Variants in TOPBP1 observed in about 807,000 individuals in gnomAD.
The protein encoded by TOPBP1 is DNA topoisomerase 2-binding protein 1.
Under a neutral mutation model 167.7 loss-of-function variants are expected in TOPBP1, and 28 were observed. That is an observed-to-expected ratio of 0.17 (90% CI 0.12 to 0.23). The LOEUF is 0.23. Among genes scored for constraint, TOPBP1 ranks in the 10% least tolerant of loss-of-function variants. The pLI, the probability that TOPBP1 is intolerant of heterozygous loss-of-function variation, is 1.00. For missense variants in TOPBP1, 1,554 were observed against 1,809.6 expected (o/e 0.86, Z 2.56); for synonymous variants, 598 against 611.4 (o/e 0.98, Z 0.32).
intron 23 of TOPBP1, among the ~76,000 whole-genome samples, chr3:133,614,449 G>A (rs1206843063): frequency 6.6e-6 from 1 of 151,930 alleles, no homozygotes; most frequent in Non-Finnish European, 1.5e-5. Flanking sequence ...TATATCAGTT[G>A]GCCACAGTTG....
intron 27 of TOPBP1, among the ~76,000 whole-genome samples, chr3:133,605,186 C>A (rs1246008949): frequency 6.7e-6 from 1 of 148,998 alleles, no homozygotes; most frequent in Admixed American, 6.7e-5. Context: ...GCAACAGAGC[C>A]AGACCGTGTC....
chr3:133,614,075 G>GCC (rs1934778281), intron 23 of TOPBP1, among the ~76,000 whole-genome samples: 1 of 152,110 alleles, frequency 6.6e-6, no homozygotes, highest in South Asian at 2.1e-4. Flanking sequence ...ACAGGTGTGA[G>GCC]CCACCACACC....
intron 23 of TOPBP1, among the ~76,000 whole-genome samples, chr3:133,616,118 T>G (rs774646093): frequency 1.4e-4 from 20 of 147,796 alleles, no homozygotes; most frequent in Non-Finnish European, 3.0e-4. Flanking sequence ...ATTCTTTCTT[T>G]TCCCTTTTTT....
At chr3:133,655,590 T>A in intron 5 of TOPBP1, 104 bp from the exon 6 acceptor site, 1 of 632,904 alleles carries the variant, frequency 1.6e-6, no homozygotes, top group Non-Finnish European at 2.4e-6. Flanking sequence ...TTAGGATTTA[T>A]AATCTTTTTT....
intron 14 of TOPBP1, among the ~76,000 whole-genome samples, chr3:133,636,148 C>T (rs1322361024): frequency 6.6e-6 from 1 of 152,176 alleles, no homozygotes; most frequent in Admixed American, 6.6e-5. Flanking sequence ...GTTTACAGTA[C>T]TGACCATGGT....
At chr3:133,638,575 C>G (rs1197741976) in intron 13 of TOPBP1, among the ~76,000 whole-genome samples, 1 of 152,134 alleles carries the variant, frequency 6.6e-6, no homozygotes. Context: ...GAGTTAACTA[C>G]AGTCTAGTTT....
rs572616720 is a variant in TOPBP1 at position 133,628,542 on chromosome 3, T to A, written c.2694+18A>T. The A allele has an allele frequency of 6.2e-7, 1 of 1,608,484 alleles. No homozygotes were observed. Among genetic ancestry groups the A allele is most frequent in the South Asian group, 1.1e-5 (1 of 89,976 alleles). ...AATGTTATCTAAAACTTCCTTTTAATAAGAGAACTAATCCTACCTTCTCTG... is the reference window on the plus strand; with the variant it reads ...AATGTTATCTAAAACTTCCTTTTAAAAAGAGAACTAATCCTACCTTCTCTG... On this transcript the variant is annotated intron_variant, in intron 15 of 27. Coordinates refer to ENST00000260810, the MANE Select transcript of TOPBP1 (RefSeq NM_007027.4).
chr3:133,660,182 G>A (rs562491057), intron 2 of TOPBP1, among the ~76,000 whole-genome samples: 44 of 152,108 alleles, frequency 2.9e-4, no homozygotes, highest in African/African-American at 1.0e-3. Context: ...CCTCCTTCAC[G>A]TTTACTCAAT....
chr3:133,657,728 T>C (rs1936527767), intron 4 of TOPBP1, 70 bp downstream of exon 4: 4 of 1,294,172 alleles, frequency 3.1e-6, no homozygotes, highest in Admixed American at 6.9e-5. Flanking sequence ...AGCTATCTTC[T>C]ATGCAGTGAA....
chr3:133,616,036 G>A (rs980336742), intron 23 of TOPBP1, among the ~76,000 whole-genome samples: 6 of 152,018 alleles, frequency 3.9e-5, no homozygotes, highest in African/African-American at 1.4e-4. Context: ...CTAGAATGAT[G>A]TCAGGTGGAG....
chr3:133,608,089 C>T (rs1312322671), intron 27 of TOPBP1, among the ~76,000 whole-genome samples: 2 of 152,160 alleles, frequency 1.3e-5, no homozygotes, highest in Non-Finnish European at 2.9e-5. Context: ...TTACACAACA[C>T]AGGCCAATTC....
chr3:133,602,184 G>A (rs1033232658), intron 27 of TOPBP1, among the ~76,000 whole-genome samples: 2 of 152,120 alleles, frequency 1.3e-5, no homozygotes, highest in South Asian at 2.1e-4. Flanking sequence ...TTGAATACAA[G>A]GGAACAATTC....
At position 133,655,340 on chromosome 3, in the gene TOPBP1, C is replaced by T; in HGVS notation, c.692G>A (p.Gly231Glu). 6.3e-7 allele frequency: 1 copy of T among 1,594,964 alleles called. No individual in the cohort carries two copies. The highest frequency in any genetic ancestry group is 8.5e-7 in the Non-Finnish European group (1 of 1,171,090). The change falls in exon 6 of 28, where the codon GGA (glycine) becomes GAA (glutamate). Residue 231 changes from glycine (G) to glutamate (E), a missense_variant. Physicochemically the swap from Gly to Glu is moderately conservative, Grantham distance 98. Coordinates refer to ENST00000260810, the MANE Select transcript of TOPBP1 (RefSeq NM_007027.4). ...LTVKHGGQYM[G>E]QLKMNECTHL... is the part of the protein sequence containing the mutation. Reference sequence around the variant, plus strand: ...TGTACATTCATTCATTTTCAATTGTCCCATGTATTGACCTCCATGCTTAAC... The same window carrying T: ...TGTACATTCATTCATTTTCAATTGTTCCATGTATTGACCTCCATGCTTAAC...
chr3:133,628,571 G>C lies in TOPBP1; in HGVS notation c.2683C>G (p.Gln895Glu), dbSNP rs763348504. The C allele has an allele frequency of 1.4e-5, 22 of 1,611,204 alleles. No homozygotes were observed. The highest frequency in any genetic ancestry group is 1.9e-5 in the Non-Finnish European group (22 of 1,178,776). Reference sequence around the variant, plus strand: ...AGAACTAATCCTACCTTCTCTGACTGGGCCTCTTTCAGTTGAGGGCTGGCA... The same window carrying C: ...AGAACTAATCCTACCTTCTCTGACTCGGCCTCTTTCAGTTGAGGGCTGGCA... ...LSASPQLKEA[Q>E]SEKEEAPKPL... The change falls in exon 15 of 28, where the codon CAG becomes GAG. Residue 895 changes from glutamine to glutamate, a missense_variant. By Grantham distance (29) the Gln-to-Glu change is conservative. Transcript: ENST00000260810.
intron 16 of TOPBP1, among the ~76,000 whole-genome samples, chr3:133,626,688 C>T (rs908899072): frequency 3.3e-5 from 5 of 152,114 alleles, no homozygotes; most frequent in Non-Finnish European, 7.4e-5. Context: ...GGTATACAAA[C>T]GTATTAATAC....
At chr3:133,656,943 T>G in intron 4 of TOPBP1, 86 bp from the exon 5 acceptor site, 1 of 1,219,406 alleles carries the variant, frequency 8.2e-7, no homozygotes, top group African/African-American at 1.6e-5. Flanking sequence ...TACATTTTGC[T>G]GTTGACAGTT....
At chr3:133,642,034 G>C (rs1935904267) in intron 12 of TOPBP1, among the ~76,000 whole-genome samples, 1 of 151,968 alleles carries the variant, frequency 6.6e-6, no homozygotes, top group Non-Finnish European at 1.5e-5. Context: ...TTGTTGCCCT[G>C]GCTGGAGTAT....
intron 27 of TOPBP1, among the ~76,000 whole-genome samples, chr3:133,602,895 T>TG (rs1934358075): frequency 1.3e-5 from 2 of 149,214 alleles, no homozygotes; most frequent in Non-Finnish European, 3.0e-5. Context: ...TTTTTTCATT[T>TG]TTTTTTTTTT....
At chr3:133,631,612 T>C (rs1935483460) in intron 14 of TOPBP1, among the ~76,000 whole-genome samples, 1 of 152,122 alleles carries the variant, frequency 6.6e-6, no homozygotes, top group African/African-American at 2.4e-5. Context: ...TGGGGGCGGA[T>C]TTCCCCCTTG....
Sources: allele counts gnomAD v4.1 joint callset (sites outside exome capture counted in the v4.1 genomes callset), GRCh38; gene constraint gnomAD v4.1.1; transcripts MANE v1.5; gene names NCBI Gene and HGNC (gene_info 2026-07-23, HGNC 2026-07-21).